The following DPP10 variants were observed in gnomAD, a reference collection of about 807,000 sequenced individuals.
DPP10 encodes dipeptidyl peptidase like 10, also known as inactive dipeptidyl peptidase 10.
A neutral mutation model predicts 120.9 loss-of-function variants in DPP10; 33 were observed. That is an observed-to-expected ratio of 0.27 (90% CI 0.21 to 0.37). DPP10 has a LOEUF of 0.37. Among genes scored for constraint, DPP10 ranks in the 10% least tolerant of loss-of-function variants. The pLI is 1.00. For missense variants in DPP10, 816 were observed against 942.8 expected, an observed-to-expected ratio of 0.87 and a Z score of 1.76; for synonymous variants, 337 against 326.1, an observed-to-expected ratio of 1.03 and a Z score of -0.36.
At position 115,587,827 on chromosome 2, in the gene DPP10, T is replaced by G. The variant is rs186899254; in HGVS notation, c.441+61855T>G. On this transcript the variant is annotated intron_variant, in intron 5 of 25. Transcript: ENST00000410059. ...TTTTTCTTTCAGCTTGCTAGTTTTA[T>G]TCTTCAACATTCTTTGAAGCTTTAA... Among the ~76,000 whole-genome samples, 65 of 152,358 alleles carry G rather than the reference T, an allele frequency of 4.3e-4. 1 individual carries two copies. The East Asian group carries it at 0.012, about 29-fold the overall frequency.
intron 5 of DPP10, among the ~76,000 whole-genome samples, chr2:115,636,115 T>C (rs1455855819): frequency 1.3e-5 from 2 of 151,582 alleles, no homozygotes; most frequent in Non-Finnish European, 2.9e-5. Context: ...TGTGGTATTC[T>C]TACCAAAAAT....
intron 1 of DPP10, among the ~76,000 whole-genome samples, chr2:114,566,700 A>G (rs1246568823): frequency 6.6e-6 from 1 of 152,206 alleles, no homozygotes; most frequent in African/African-American, 2.4e-5. Flanking sequence ...TAGGCCACCA[A>G]GTCTCCCTTA....
chr2:114,842,901 C>T (rs1323552851), intron 1 of DPP10, among the ~76,000 whole-genome samples: 2 of 152,012 alleles, frequency 1.3e-5, no homozygotes, highest in Non-Finnish European at 2.9e-5. Context: ...GCACATTCAA[C>T]ATCAGACTAG....
chr2:114,627,534 A>C (rs572074367), intron 1 of DPP10, among the ~76,000 whole-genome samples: 1 of 152,222 alleles, frequency 6.6e-6, no homozygotes, highest in Admixed American at 6.6e-5. Context: ...ACTGGACCCC[A>C]AGAGAGCTCT....
chr2:114,657,879 A>G (rs1573902333), intron 1 of DPP10, among the ~76,000 whole-genome samples: 1 of 152,212 alleles, frequency 6.6e-6, no homozygotes, highest in Non-Finnish European at 1.5e-5. Context: ...CCTAACTGCT[A>G]TAAAGCTTAT....
intron 1 of DPP10, among the ~76,000 whole-genome samples, chr2:114,912,182 A>G (rs964016277): frequency 2.6e-5 from 4 of 152,216 alleles, no homozygotes; most frequent in Non-Finnish European, 4.4e-5. Context: ...TTCAAAGAGT[A>G]AGAACCAAGG....
chr2:115,352,274 C>T (rs1376819093), intron 3 of DPP10, among the ~76,000 whole-genome samples: 1 of 151,892 alleles, frequency 6.6e-6, no homozygotes, highest in Non-Finnish European at 1.5e-5. Flanking sequence ...GAAAAAAAAG[C>T]TTGGGGAAAT....
chr2:114,612,768 G>A (rs561340493), intron 1 of DPP10, among the ~76,000 whole-genome samples: 1 of 152,276 alleles, frequency 6.6e-6, no homozygotes, highest in Non-Finnish European at 1.5e-5. Flanking sequence ...CATTGACTGA[G>A]CCTCCAAGAT....
chr2:115,083,180 G>C (rs1005213628), intron 1 of DPP10, among the ~76,000 whole-genome samples: 1 of 151,888 alleles, frequency 6.6e-6, no homozygotes, highest in African/African-American at 2.4e-5. Flanking sequence ...CATTTGTTAG[G>C]TTTCCGTCTT....
intron 1 of DPP10, among the ~76,000 whole-genome samples, chr2:114,695,853 G>C (rs1310600652): frequency 1.3e-5 from 2 of 151,988 alleles, no homozygotes; most frequent in East Asian, 3.9e-4. Flanking sequence ...ATTGTTTAGA[G>C]CATCATTAAA....
chr2:114,858,631 A>G (rs1393756699), intron 1 of DPP10, among the ~76,000 whole-genome samples: 1 of 152,172 alleles, frequency 6.6e-6, no homozygotes, highest in African/African-American at 2.4e-5. Context: ...GAGTTTCATG[A>G]TCCATTGAAA....
At chr2:115,536,846 T>A (rs562668792) in intron 5 of DPP10, among the ~76,000 whole-genome samples, 24 of 151,898 alleles carry the variant, frequency 1.6e-4, no homozygotes, top group South Asian at 1.0e-3. Flanking sequence ...AAACCTATTT[T>A]AAAAAAAATA....
chr2:114,909,233 A>T (rs984299111), intron 1 of DPP10, among the ~76,000 whole-genome samples: 1 of 152,028 alleles, frequency 6.6e-6, no homozygotes, highest in African/African-American at 2.4e-5. Flanking sequence ...TTTTCTAATG[A>T]TTAACACATG....
chr2:114,788,553 C>G (rs989953528), intron 1 of DPP10, among the ~76,000 whole-genome samples: 27 of 151,848 alleles, frequency 1.8e-4, no homozygotes, highest in Non-Finnish European at 1.5e-5. Flanking sequence ...GTAGCTGGGA[C>G]TACAGGCGCC....
chr2:114,584,363 T>G (rs1690773124), intron 1 of DPP10, among the ~76,000 whole-genome samples: 1 of 152,202 alleles, frequency 6.6e-6, no homozygotes, highest in Non-Finnish European at 1.5e-5. Flanking sequence ...CAACCTCAGG[T>G]CACCTGTTAC....
intron 1 of DPP10, among the ~76,000 whole-genome samples, chr2:115,235,239 A>C (rs1376920976): frequency 6.6e-6 from 1 of 152,174 alleles, no homozygotes; most frequent in East Asian, 1.9e-4. Context: ...CTGGGACACA[A>C]AAATCTGCAT....
intron 1 of DPP10, among the ~76,000 whole-genome samples, chr2:115,079,119 G>C (rs1265329300): frequency 6.6e-6 from 1 of 152,192 alleles, no homozygotes; most frequent in Non-Finnish European, 1.5e-5. Flanking sequence ...GGTGGCTCAC[G>C]CCTGTAATCC....
chr2:115,734,325 A>G (rs1287871134), intron 8 of DPP10, among the ~76,000 whole-genome samples: 3 of 152,100 alleles, frequency 2.0e-5, no homozygotes, highest in African/African-American at 7.2e-5. Context: ...ATTTTAGCCA[A>G]CGGGGTATCT....
intron 1 of DPP10, among the ~76,000 whole-genome samples, chr2:114,540,027 T>C (rs1686832177): frequency 6.6e-6 from 1 of 152,196 alleles, no homozygotes; most frequent in South Asian, 2.1e-4. Flanking sequence ...TTATTTTTAG[T>C]ATTAAAGTAC....
Sources: allele counts gnomAD v4.1 joint callset (sites outside exome capture counted in the v4.1 genomes callset), GRCh38; gene constraint gnomAD v4.1.1; transcripts MANE v1.5; gene names NCBI Gene and HGNC (gene_info 2026-07-23, HGNC 2026-07-21).